RPH3A: variants seen among roughly 807,000 people sequenced by gnomAD.
The protein encoded by RPH3A is rabphilin 3A, also known as rabphilin-3A.
In RPH3A, 48 loss-of-function variants were observed where a neutral mutation model predicts 102.2. That is an observed-to-expected ratio of 0.47 (90% CI 0.37 to 0.60). RPH3A has a LOEUF of 0.60. Among genes scored for constraint, RPH3A ranks in the 20% least tolerant of loss-of-function variants. The probability of loss-of-function intolerance (pLI) is 0.00; values close to 1 mark genes in which losing one functional copy is unlikely to be tolerated. For missense variants in RPH3A, 781 were observed against 910.1 expected (o/e 0.86, Z 1.83); for synonymous variants, 310 against 324.3 (o/e 0.96, Z 0.47).
chr12:112,894,981 TG>T (rs1471514759), intron 20 of RPH3A, among the ~76,000 whole-genome samples: 7 of 151,618 alleles, frequency 4.6e-5, no homozygotes, highest in African/African-American at 1.7e-4. Context: ...GAATTGGGGG[TG>T]GGGGTTCTTC....
At chr12:112,793,770 G>A (rs547361186) in intron 2 of RPH3A, among the ~76,000 whole-genome samples, 6 of 152,136 alleles carry the variant, frequency 3.9e-5, no homozygotes, top group Non-Finnish European at 8.8e-5. Context: ...GGTACTAATC[G>A]ATCAGAATGG....
intron 1 of RPH3A, among the ~76,000 whole-genome samples, chr12:112,698,802 T>A (rs2040370222): frequency 6.6e-6 from 1 of 151,708 alleles, no homozygotes; most frequent in South Asian, 2.1e-4. Flanking sequence ...GGTAGGATAG[T>A]TTTCCCCTCC....
chr12:112,800,775 C>T (rs80319616), intron 2 of RPH3A, among the ~76,000 whole-genome samples: 1 of 152,034 alleles, frequency 6.6e-6, no homozygotes, highest in Admixed American at 6.5e-5. Context: ...TGGAACTATT[C>T]CTGGCAATGG....
intron 21 of RPH3A, 61 bp downstream of exon 21, chr12:112,895,934 T>G (rs2136276248): frequency 8.6e-7 from 1 of 1,157,988 alleles, no homozygotes; most frequent in Non-Finnish European, 1.3e-6. Flanking sequence ...CAGGAGAGCC[T>G]TATCCAGGGC....
intron 5 of RPH3A, among the ~76,000 whole-genome samples, chr12:112,862,111 T>G (rs924216401): frequency 6.6e-6 from 1 of 151,436 alleles, no homozygotes; most frequent in African/African-American, 2.4e-5. Flanking sequence ...TTTGAGACCA[T>G]GAGTTTGAGA....
intron 2 of RPH3A, among the ~76,000 whole-genome samples, chr12:112,821,456 C>T (rs1423079849): frequency 1.3e-5 from 2 of 151,346 alleles, no homozygotes; most frequent in African/African-American, 4.8e-5. Context: ...GCTCTCTTTA[C>T]TCCAACCACT....
intron 2 of RPH3A, among the ~76,000 whole-genome samples, chr12:112,812,513 AAC>A (rs2041595613): frequency 6.6e-6 from 1 of 152,226 alleles, no homozygotes; most frequent in Non-Finnish European, 1.5e-5. Context: ...TACAGGGAGA[AAC>A]CAGCATTTCA....
intron 1 of RPH3A, among the ~76,000 whole-genome samples, chr12:112,602,076 C>A (rs372256657): frequency 1.3e-5 from 2 of 152,302 alleles, no homozygotes; most frequent in East Asian, 3.9e-4. Context: ...CACACAAGAG[C>A]CTTCAGATAG....
chr12:112,866,943 A>G, intron 7 of RPH3A, 103 bp downstream of exon 7: 6 of 792,074 alleles, frequency 7.6e-6, no homozygotes, highest in Non-Finnish European at 1.3e-5. Flanking sequence ...CTCAGCAGTG[A>G]ACATTGACAG....
intron 9 of RPH3A, 25 bp from the exon 10 acceptor site, chr12:112,869,868 A>G (rs1478824187): frequency 1.9e-6 from 3 of 1,613,962 alleles, no homozygotes; most frequent in Non-Finnish European, 2.5e-6. Context: ...CCCTTTCTCT[A>G]CTCAATTCAT....
intron 1 of RPH3A, among the ~76,000 whole-genome samples, chr12:112,606,674 G>A (rs1243606693): frequency 6.6e-6 from 1 of 152,210 alleles, no homozygotes; most frequent in African/African-American, 2.4e-5. Flanking sequence ...AAGCGTAGAT[G>A]CGGAGGGCTC....
At chr12:112,789,200 C>T (rs1173439139), upstream of RPH3A, among the ~76,000 whole-genome samples, 1 of 152,132 alleles carries the variant, frequency 6.6e-6, no homozygotes, top group Non-Finnish European at 1.5e-5. Context: ...TTCCTATGTG[C>T]CTGGGACTGC....
chr12:112,598,523 T>C (rs2039534608), intron 1 of RPH3A, among the ~76,000 whole-genome samples: 1 of 152,230 alleles, frequency 6.6e-6, no homozygotes, highest in Non-Finnish European at 1.5e-5. Context: ...TTGGCTGGTC[T>C]GAGTCTAGAC....
intron 1 of RPH3A, among the ~76,000 whole-genome samples, chr12:112,616,659 C>G (rs1227465563): frequency 1.3e-5 from 2 of 152,336 alleles, no homozygotes; most frequent in East Asian, 3.9e-4. Context: ...CAGGGCCACA[C>G]AGCAGGTTAA....
chr12:112,739,941 C>T (rs1033861279), intron 1 of RPH3A, among the ~76,000 whole-genome samples: 1 of 90,764 alleles, frequency 1.1e-5, no homozygotes, highest in Non-Finnish European at 2.1e-5. Flanking sequence ...CTTCTCCCTT[C>T]ATCCCCCCCC....
chr12:112,850,095 GT>G (rs1173726822), intron 5 of RPH3A, among the ~76,000 whole-genome samples: 3 of 152,148 alleles, frequency 2.0e-5, no homozygotes, highest in Non-Finnish European at 4.4e-5. Flanking sequence ...AAGAGCTGGG[GT>G]TGCACAGTCA....
chr12:112,853,018 C>T (rs186017913), intron 5 of RPH3A, among the ~76,000 whole-genome samples: 25 of 152,270 alleles, frequency 1.6e-4, no homozygotes, highest in African/African-American at 4.6e-4. Context: ...ATCCAGACGC[C>T]GTGATGGAGG....
intron 1 of RPH3A, among the ~76,000 whole-genome samples, chr12:112,765,855 G>T (rs1308837104): frequency 6.6e-6 from 1 of 152,160 alleles, no homozygotes; most frequent in Non-Finnish European, 1.5e-5. Context: ...ATTCATATTA[G>T]CTGAGATAAA....
intron 2 of RPH3A, among the ~76,000 whole-genome samples, chr12:112,803,108 A>G (rs1168608739): frequency 2.6e-5 from 4 of 151,970 alleles, no homozygotes; most frequent in African/African-American, 9.7e-5. Flanking sequence ...CTTTGTCCCA[A>G]TTGGTTACTA....
Sources: allele counts gnomAD v4.1 joint callset (sites outside exome capture counted in the v4.1 genomes callset), GRCh38; gene constraint gnomAD v4.1.1; transcripts MANE v1.5; gene names NCBI Gene and HGNC (gene_info 2026-07-23, HGNC 2026-07-21).